Variants in B3GAT1 observed in about 807,000 individuals in gnomAD.
B3GAT1 encodes beta-1,3-glucuronyltransferase 1.
B3GAT1 carries 11 observed loss-of-function variants against 28.4 expected under a neutral mutation model. The observed-to-expected ratio is 0.39, with a 90% CI of 0.24 to 0.64. The LOEUF is 0.64. Ranked by LOEUF, B3GAT1 falls within the 30% of genes least tolerant of loss-of-function variation. The pLI is 0.50. For missense variants in B3GAT1, 375 were observed against 491.0 expected, an observed-to-expected ratio of 0.76 and a Z score of 2.23; for synonymous variants, 255 against 223.1, an observed-to-expected ratio of 1.14 and a Z score of -1.27.
At chr11:134,382,578 G>T in intron 4 of B3GAT1, 132 bp downstream of exon 4, 1 of 1,116,832 alleles carries the variant, frequency 9.0e-7, no homozygotes, top group Non-Finnish European at 1.3e-6. Context: ...GTGATACACT[G>T]CCTTCCTGGG....
Position 134,399,956 on chromosome 11 carries a change from G to A in B3GAT1, c.-282+11851C>T, listed in dbSNP as rs766077733. On this transcript the variant is annotated intron_variant, in intron 1 of 5. Coordinates refer to ENST00000312527, the MANE Select transcript of B3GAT1 (RefSeq NM_054025.3). Reference sequence around the variant, plus strand: ...AGCCCTGCAGAACCTCTCAGGCTGTGAGCAAGGTGGGGACATCCCAGAGGG... The same window carrying A: ...AGCCCTGCAGAACCTCTCAGGCTGTAAGCAAGGTGGGGACATCCCAGAGGG... Among the ~76,000 whole-genome samples, 11 of 152,208 alleles carry A rather than the reference G, an allele frequency of 7.2e-5. 1 individual carries two copies. Among genetic ancestry groups the A allele is most frequent in the Non-Finnish European group, 1.0e-4 (7 of 68,042 alleles).
At chr11:134,402,245 T>C (rs139850926) in intron 1 of B3GAT1, among the ~76,000 whole-genome samples, 1 of 152,260 alleles carries the variant, frequency 6.6e-6, no homozygotes, top group Non-Finnish European at 1.5e-5. Context: ...TATGCCCCAG[T>C]GTGCGGTTGC....
intron 1 of B3GAT1, among the ~76,000 whole-genome samples, chr11:134,405,611 C>T (rs1944716839): frequency 6.6e-6 from 1 of 151,988 alleles, no homozygotes; most frequent in African/African-American, 2.4e-5. Context: ...CGTTGCGCCC[C>T]GACCCCGGGG....
At chr11:134,396,656 A>T (rs1247677598) in intron 1 of B3GAT1, among the ~76,000 whole-genome samples, 3 of 152,010 alleles carry the variant, frequency 2.0e-5, no homozygotes, top group Non-Finnish European at 4.4e-5. Flanking sequence ...CGTCTGCCAC[A>T]TAGTTGGGCC....
chr11:134,382,385 A>G (rs1565447954), intron 4 of B3GAT1, among the ~76,000 whole-genome samples: 1 of 145,916 alleles, frequency 6.9e-6, no homozygotes, highest in Non-Finnish European at 1.5e-5. Context: ...ACCTGCATAT[A>G]TGTGTGCATG....
intron 1 of B3GAT1, among the ~76,000 whole-genome samples, chr11:134,398,676 C>A (rs1944551086): frequency 6.6e-6 from 1 of 151,468 alleles, no homozygotes; most frequent in Non-Finnish European, 1.5e-5. Flanking sequence ...AGGCAGGGGT[C>A]CTTGCCGTGC....
At chr11:134,402,218 T>A (rs1944629635) in intron 1 of B3GAT1, among the ~76,000 whole-genome samples, 2 of 152,274 alleles carry the variant, frequency 1.3e-5, no homozygotes, top group East Asian at 3.9e-4. Context: ...CACACTGAGC[T>A]AGAGTCAAGT....
chr11:134,384,168 G>T lies in B3GAT1; in HGVS notation c.133C>A (p.Arg45Ser), dbSNP rs753312357. The T allele has an allele frequency of 6.5e-7, 1 of 1,547,872 alleles. No individual in the cohort carries two copies. Among genetic ancestry groups the T allele is most frequent in the Non-Finnish European group, 8.7e-7 (1 of 1,147,500 alleles). Reference sequence around the variant, plus strand: ...GGGTCGGCGCCGGGCGGCGTTTCGCGTCGGGGGTCACTGCCCTCATCTGCG... The same window carrying T: ...GGGTCGGCGCCGGGCGGCGTTTCGCTTCGGGGGTCACTGCCCTCATCTGCG... ...VHKDEGSDPR[R>S]ETPPGADPRE... The change falls in exon 3 of 6, where the codon CGC becomes AGC. Residue 45 changes from arginine to serine, a missense_variant. Physicochemically the swap from Arg to Ser is moderately radical, Grantham distance 110. Transcript: ENST00000312527.
chr11:134,394,680 A>G (rs1472923296), intron 1 of B3GAT1, among the ~76,000 whole-genome samples: 5 of 152,192 alleles, frequency 3.3e-5, no homozygotes, highest in African/African-American at 1.2e-4. Flanking sequence ...AGCCTGGGTC[A>G]CTGCAGGCTC....
Position 134,381,924 on chromosome 11 carries a change from C to G in B3GAT1, c.*14G>C. On this transcript the variant is annotated splice_region_variant and 3_prime_UTR_variant, in exon 5 of 6. Coordinates refer to ENST00000312527, the MANE Select transcript of B3GAT1 (RefSeq NM_054025.3). ...TGGCCCACCCTCGTCATGCCCATAC[C>G]TGCATCCTGAGGCTCAGATCTCCAC... 1 of 1,613,196 alleles carries G rather than the reference C, an allele frequency of 6.2e-7. No homozygotes were observed. Among genetic ancestry groups the G allele is most frequent in the Non-Finnish European group, 8.5e-7 (1 of 1,179,384 alleles).
rs888479320 is a variant in B3GAT1, at chr11:134,384,087, C to T, written c.214G>A (p.Val72Met). ...GACCATGGCGGGGGCCGCGTGTACACGTACTCGGTGCGCACCACCTCCACG... is the reference window on the plus strand; with the variant it reads ...GACCATGGCGGGGGCCGCGTGTACATGTACTCGGTGCGCACCACCTCCACG... The part of the protein sequence containing the change: ...DIVEVVRTEY[V>M]YTRPPPWSDT... Residue 72 changes from valine to methionine, a missense_variant, in exon 3 of 6, where the codon GTG becomes ATG. Transcript: ENST00000312527. The T allele has an allele frequency of 3.1e-6, 5 of 1,599,184 alleles. No homozygotes were observed. The highest frequency in any genetic ancestry group is 4.3e-6 in the Non-Finnish European group (5 of 1,175,776).
At chr11:134,404,289 C>A (rs928229354) in intron 1 of B3GAT1, among the ~76,000 whole-genome samples, 2 of 151,688 alleles carry the variant, frequency 1.3e-5, no homozygotes, top group Admixed American at 6.6e-5. Context: ...TTTGTCCTTG[C>A]GACAGTTTGC....
At chr11:134,388,660 T>C (rs1246125780) in intron 1 of B3GAT1, 1 of 152,230 alleles carries the variant, frequency 6.6e-6, no homozygotes, top group Admixed American at 6.5e-5. Flanking sequence ...TTTACAGTCA[T>C]GAGTACCCAG....
intron 5 of B3GAT1, among the ~76,000 whole-genome samples, chr11:134,381,266 G>T (rs945881430): frequency 2.0e-5 from 3 of 152,200 alleles, no homozygotes; most frequent in Non-Finnish European, 2.9e-5. Flanking sequence ...AGTGTAGGTG[G>T]ATCCTGTGGC....
chr11:134,397,644 C>A (rs1944530558), intron 1 of B3GAT1, among the ~76,000 whole-genome samples: 1 of 152,218 alleles, frequency 6.6e-6, no homozygotes, highest in African/African-American at 2.4e-5. Flanking sequence ...CATTCCCACC[C>A]AGAGCCGCGG....
chr11:134,402,550 C>G (rs560626202), intron 1 of B3GAT1, among the ~76,000 whole-genome samples: 21 of 152,262 alleles, frequency 1.4e-4, no homozygotes, highest in African/African-American at 5.1e-4. Flanking sequence ...CCTGCCCTGC[C>G]CCTAAGGTCC....
At chr11:134,402,458 C>T (rs1434782083) in intron 1 of B3GAT1, among the ~76,000 whole-genome samples, 2 of 152,130 alleles carry the variant, frequency 1.3e-5, no homozygotes, top group African/African-American at 4.8e-5. Context: ...CCCCGTCTCC[C>T]CAGGATGCAG....
intron 1 of B3GAT1, chr11:134,388,617 C>T (rs1944346978): frequency 1.3e-5 from 2 of 152,424 alleles, no homozygotes; most frequent in South Asian, 2.1e-4. Flanking sequence ...GCCGTTCTTC[C>T]TTTGAGAGTC....
chr11:134,411,592 G>T lies in B3GAT1; in HGVS notation c.-282+215C>A, dbSNP rs956064591. 6.6e-6 allele frequency among the ~76,000 whole-genome samples: 1 copy of T among 151,862 alleles called. No homozygotes were observed. The highest frequency in any genetic ancestry group is 2.4e-5 in the African/African-American group (1 of 41,346). On this transcript the variant is annotated intron_variant, in intron 1 of 5. Transcript: ENST00000312527. The surrounding 1 kb of genome is among the most constrained non-coding windows in gnomAD (Gnocchi z 6.0). The stretch of plus-strand genomic sequence containing the variant: ...GGCAGGCTGTGCCGGGTTTTGTTTC[G>T]CAGCCCCTCGGCAGCAGCGCCTCCC...
Sources: allele counts gnomAD v4.1 joint callset (sites outside exome capture counted in the v4.1 genomes callset), GRCh38; gene constraint gnomAD v4.1.1; non-coding constraint Gnocchi (gnomAD v3.1); transcripts MANE v1.5; gene names NCBI Gene and HGNC (gene_info 2026-07-23, HGNC 2026-07-21).